GNPAT: variants seen among roughly 807,000 people sequenced by gnomAD.
GNPAT encodes dihydroxyacetone phosphate acyltransferase.
GNPAT carries 30 observed loss-of-function variants against 78.4 expected under a neutral mutation model. The ratio of observed to expected loss-of-function variants is 0.38; its 90% confidence interval spans 0.29 to 0.52. The LOEUF (loss-of-function observed/expected upper bound fraction) is 0.52, where lower values mean the gene tolerates loss of function less well. GNPAT is among the 20% of genes least tolerant of loss of function. GNPAT has a pLI of 0.84. For missense variants in GNPAT, 714 were observed against 812.2 expected, an observed-to-expected ratio of 0.88 and a Z score of 1.47; for synonymous variants, 271 against 281.1, an observed-to-expected ratio of 0.96 and a Z score of 0.36.
rs779614843 is a variant in GNPAT, at chr1:231,266,201, G to A, written c.924+36G>A. ...TTGATTTTAGCTTAATTGAGAGAAT[G>A]TGCTGACTGACACATCAACTAATTT... On this transcript the variant is annotated intron_variant, in intron 7 of 15. Transcript: ENST00000366647. The A allele has an allele frequency of 2.5e-6, 4 of 1,612,636 alleles. No individual in the cohort carries two copies. In the East Asian group the frequency reaches 6.7e-5, roughly 27 times the overall value.
intron 2 of GNPAT, among the ~76,000 whole-genome samples, chr1:231,256,947 G>A (rs1043502379): frequency 6.6e-6 from 1 of 152,198 alleles, no homozygotes; most frequent in African/African-American, 2.4e-5. Context: ...GATGTCTCAA[G>A]TTTATAATGT....
At chr1:231,243,862 CTA>C in intron 1 of GNPAT, among the ~76,000 whole-genome samples, 1 of 151,610 alleles carries the variant, frequency 6.6e-6, no homozygotes, top group South Asian at 2.1e-4. Context: ...AATCTTACAT[CTA>C]TGTGTGTGTG....
At chr1:231,258,416 C>T (rs1282738358) in intron 2 of GNPAT, 3 of 152,164 alleles carry the variant, frequency 2.0e-5, no homozygotes, top group Non-Finnish European at 4.4e-5. Flanking sequence ...TCACAGCTAG[C>T]CACACCCCTG....
At chr1:231,269,043 G>A (rs1685475515) in intron 9 of GNPAT, among the ~76,000 whole-genome samples, 1 of 151,822 alleles carries the variant, frequency 6.6e-6, no homozygotes, top group Non-Finnish European at 1.5e-5. Flanking sequence ...GGTACTACCA[G>A]GGATATGAAG....
At chr1:231,245,253 A>C (rs754310439) in intron 1 of GNPAT, among the ~76,000 whole-genome samples, 1 of 152,018 alleles carries the variant, frequency 6.6e-6, no homozygotes, top group Non-Finnish European at 1.5e-5. Flanking sequence ...TTTTTAATTA[A>C]TTATTTTTAG....
At chr1:231,247,636 C>T (rs1281435370) in intron 1 of GNPAT, among the ~76,000 whole-genome samples, 13 of 152,194 alleles carry the variant, frequency 8.5e-5, no homozygotes, top group Non-Finnish European at 1.9e-4. Flanking sequence ...CACCATCCAC[C>T]TTGTTCTTCA....
At chr1:231,261,823 C>A (rs912353472) in intron 3 of GNPAT, among the ~76,000 whole-genome samples, 1 of 152,190 alleles carries the variant, frequency 6.6e-6, no homozygotes, top group South Asian at 2.1e-4. Flanking sequence ...AAGCTCTTAA[C>A]TTCACTTGCC....
Position 231,266,359 on chromosome 1 carries a change from C to A in GNPAT, c.1007C>A (p.Ser336Tyr), listed in dbSNP as rs373497748. The A allele has an allele frequency of 3.3e-5, 54 of 1,613,838 alleles. No individual in the cohort carries two copies. The highest frequency in any genetic ancestry group is 1.6e-4 in the Middle Eastern group (1 of 6,082). ...TTTGGAGATCCTGTGTCACTTCGAT[C>A]TTTGGCAGCTGGGAGGATGAGTCGG... ...VYFGDPVSLR[S>Y]LAAGRMSRSS... Residue 336 changes from serine (S) to tyrosine (Y), a missense_variant, in exon 8 of 16, where the codon TCT becomes TAT. By Grantham distance (144) the Ser-to-Tyr change is moderately radical. Coordinates refer to ENST00000366647, the MANE Select transcript of GNPAT (RefSeq NM_014236.4).
At chr1:231,257,317 C>T (rs11122262) in intron 2 of GNPAT, among the ~76,000 whole-genome samples, 83,352 of 152,016 alleles carry the variant, frequency 0.55, 23,058 homozygotes, top group South Asian at 0.62. Flanking sequence ...TTCCCTCTTT[C>T]CCTACTTTTC....
In GNPAT at chr1:231,260,690, A is replaced by G. The variant is rs1304332144; in HGVS notation, c.438+7A>G. 6.7e-7 allele frequency: 1 copy of G among 1,498,090 alleles called. No homozygotes were observed. The highest frequency in any genetic ancestry group is 1.4e-5 in the African/African-American group (1 of 72,762). The allele number at this position is 1,498,090 out of a possible 1,614,324, so 92.8% of individuals were successfully genotyped here. ...TGAAGAAGGTATTCAGAAAGTGAGT[A>G]TTGATTATTAAAAAAATAAAGAAAT... On this transcript the variant is annotated splice_region_variant and intron_variant, in intron 3 of 15. Transcript: ENST00000366647.
intron 4 of GNPAT, among the ~76,000 whole-genome samples, chr1:231,263,133 T>C (rs1288044787): frequency 1.3e-5 from 2 of 152,236 alleles, no homozygotes; most frequent in East Asian, 3.8e-4. Flanking sequence ...TTTTATTTGA[T>C]AATATATTAA....
intron 2 of GNPAT, among the ~76,000 whole-genome samples, chr1:231,254,837 C>T (rs1356695402): frequency 2.0e-5 from 3 of 151,348 alleles, no homozygotes; most frequent in African/African-American, 4.9e-5. Context: ...CTGCAATCTC[C>T]GCCTCCCAGG....
intron 12 of GNPAT, 81 bp from the exon 13 acceptor site, chr1:231,275,140 A>G (rs1685673996): frequency 4.9e-6 from 4 of 815,770 alleles, no homozygotes; most frequent in Admixed American, 1.9e-5. Flanking sequence ...AAGAGGGGCA[A>G]TGTAAAGTTA....
rs763148634 is a variant in GNPAT, at chr1:231,241,441, C to G, written c.63C>G (p.Val21=). ...TTGGCCCAACCAGTCCCAGCGCTGT[C>G]GTGCTCCTCTACTCGGTAGGCGCCC... ...FSVGPTSPSA[V]VLLYSKELKK... The change falls in exon 1 of 16, where the codon GTC becomes GTG. Residue 21 remains valine, a synonymous_variant. Coordinates refer to ENST00000366647, the MANE Select transcript of GNPAT (RefSeq NM_014236.4). 3 of 1,612,528 alleles carry G rather than the reference C, an allele frequency of 1.9e-6. No individual in the cohort carries two copies. The highest frequency in any genetic ancestry group is 2.2e-5 in the South Asian group (2 of 91,048).
At chr1:231,243,617 A>C (rs472413) in intron 1 of GNPAT, among the ~76,000 whole-genome samples, 92,821 of 151,978 alleles carry the variant, frequency 0.61, 29,087 homozygotes, top group African/African-American at 0.76. Flanking sequence ...TGTGCCTGGC[A>C]TGAGCTGAGT....
chr1:231,258,560 C>T (rs565717819), intron 2 of GNPAT, among the ~76,000 whole-genome samples: 3 of 150,600 alleles, frequency 2.0e-5, no homozygotes, highest in Non-Finnish European at 4.4e-5. Flanking sequence ...TTTAACACCA[C>T]TGAGCTGTAT....
At chr1:231,274,101 A>T (rs943080653) in intron 12 of GNPAT, 39 bp downstream of exon 12, 3 of 1,551,888 alleles carry the variant, frequency 1.9e-6, no homozygotes, top group African/African-American at 1.4e-5. Flanking sequence ...TGCCCCCCAT[A>T]TCAAATATAA....
rs551760268 is a variant in GNPAT, at chr1:231,261,836, C to A, written c.439-887C>A. Among the ~76,000 whole-genome samples the A allele has an allele frequency of 3.2e-4, 48 of 152,222 alleles. No homozygotes were observed. The South Asian group carries it at 9.6e-3, about 30-fold the overall frequency. On this transcript the variant is annotated intron_variant, in intron 3 of 15. Coordinates refer to ENST00000366647, the MANE Select transcript of GNPAT (RefSeq NM_014236.4). ...GAAAGCTCTTAACTTCACTTGCCTTCCTCCTCATCCCTTTTAATATTTTGT... is the reference window on the plus strand; with the variant it reads ...GAAAGCTCTTAACTTCACTTGCCTTACTCCTCATCCCTTTTAATATTTTGT...
intron 9 of GNPAT, among the ~76,000 whole-genome samples, chr1:231,268,323 A>C (rs1031088971): frequency 6.6e-6 from 1 of 152,144 alleles, no homozygotes; most frequent in African/African-American, 2.4e-5. Flanking sequence ...AAAAAGAGAA[A>C]GGACACCAAA....
Sources: allele counts gnomAD v4.1 joint callset (sites outside exome capture counted in the v4.1 genomes callset), GRCh38; gene constraint gnomAD v4.1.1; transcripts MANE v1.5; gene names NCBI Gene and HGNC (gene_info 2026-07-23, HGNC 2026-07-21).